The following ANKFN1 variants were observed in gnomAD, a reference collection of about 807,000 sequenced individuals.
ANKFN1 encodes the protein ankyrin repeat and fibronectin type-III domain-containing protein 1.
Under a neutral mutation model 108.7 loss-of-function variants are expected in ANKFN1, and 74 were observed. That is an observed-to-expected ratio of 0.68 (90% confidence interval 0.56 to 0.83). The LOEUF is 0.83. Ranked by LOEUF, ANKFN1 falls within the 40% of genes least tolerant of loss-of-function variation. The probability of loss-of-function intolerance (pLI) is 0.00; values close to 1 mark genes in which losing one functional copy is unlikely to be tolerated. For missense variants in ANKFN1, 1,505 were observed against 1,382.3 expected, an observed-to-expected ratio of 1.09 and a Z score of -1.41; for synonymous variants, 547 against 516.2, an observed-to-expected ratio of 1.06 and a Z score of -0.81.
chr17:56,369,425 TA>T lies in ANKFN1; in HGVS notation c.602-3211del, dbSNP rs143964847. 3.9e-4 allele frequency among the ~76,000 whole-genome samples: 59 copies of T among 149,470 alleles called. No homozygotes were observed. The East Asian group carries it at 4.5e-3, about 11-fold the overall frequency. On this transcript the variant is annotated intron_variant, in intron 6 of 20. Transcript: ENST00000682825. ...TTTATTAAATATGATTTCTCAATTGTAAAAAAAAAATGCCCCCATTCCAGGG... is the reference window on the plus strand; with the variant it reads ...TTTATTAAATATGATTTCTCAATTGTAAAAAAAAATGCCCCCATTCCAGGG...
rs547639161 is a variant in ANKFN1 at position 56,063,652 on chromosome 17, C to A, written c.288+17327C>A. 2.4e-3 allele frequency among the ~76,000 whole-genome samples: 365 copies of A among 151,928 alleles called. 3 individuals carry two copies. The highest frequency in any genetic ancestry group is 2.2e-3 in the Non-Finnish European group (152 of 67,962). On this transcript the variant is annotated intron_variant, in intron 4 of 12. Coordinates refer to the ANKFN1 transcript ENST00000635860. The stretch of plus-strand genomic sequence containing the variant: ...TACTGTAGTTAGCAGTTCCTCTAAC[C>A]TTTTATCAAGGTTCTTAGCTTCTTT...
At chr17:56,350,674 G>A in intron 4 of ANKFN1, 92 bp from the exon 5 acceptor site, 1 of 1,202,880 alleles carries the variant, frequency 8.3e-7, no homozygotes, top group Non-Finnish European at 1.2e-6. Context: ...TATTGTATTT[G>A]GATTCCAGAT....
intron 8 of ANKFN1, among the ~76,000 whole-genome samples, chr17:56,411,189 T>C (rs2048079828): frequency 6.6e-6 from 1 of 152,230 alleles, no homozygotes; most frequent in Non-Finnish European, 1.5e-5. Flanking sequence ...ATCACTGTTT[T>C]ATAGTTTTCA....
At chr17:56,072,353 C>T (rs905981841) in intron 4 of ANKFN1, among the ~76,000 whole-genome samples, 8 of 152,050 alleles carry the variant, frequency 5.3e-5, no homozygotes, top group South Asian at 4.2e-4. Flanking sequence ...CATAGTATAG[C>T]GCAATGGATT....
intron 1 of ANKFN1, among the ~76,000 whole-genome samples, chr17:56,210,702 A>G (rs890081208): frequency 2.0e-5 from 3 of 152,210 alleles, no homozygotes. Context: ...ATTGACTCAG[A>G]GTTCTGCATG....
intron 8 of ANKFN1, among the ~76,000 whole-genome samples, chr17:56,402,444 C>A (rs915415561): frequency 6.6e-6 from 1 of 152,058 alleles, no homozygotes; most frequent in Non-Finnish European, 1.5e-5. Context: ...GGAATTTATT[C>A]ATCTCTTCTA....
chr17:56,393,939 C>T (rs1472651248), intron 8 of ANKFN1, among the ~76,000 whole-genome samples: 1 of 152,186 alleles, frequency 6.6e-6, no homozygotes, highest in Admixed American at 6.5e-5. Context: ...TACCAGTCAA[C>T]AAATACTAAG....
At chr17:56,455,048 C>A (rs1246580284) in intron 11 of ANKFN1, among the ~76,000 whole-genome samples, 3 of 152,050 alleles carry the variant, frequency 2.0e-5, no homozygotes, top group Admixed American at 6.6e-5. Context: ...TCACACTCAC[C>A]CCTCACTTCC....
intron 8 of ANKFN1, among the ~76,000 whole-genome samples, chr17:56,393,031 C>T (rs1322259915): frequency 6.6e-6 from 1 of 152,096 alleles, no homozygotes; most frequent in Non-Finnish European, 1.5e-5. Context: ...TGCCTTAGGT[C>T]ATTTTGTTCC....
intron 1 of ANKFN1, among the ~76,000 whole-genome samples, chr17:56,189,170 C>CTTTTTTTTTTTTTTTTTT (rs532063852): frequency 7.0e-5 from 6 of 85,288 alleles, no homozygotes; most frequent in African/African-American, 3.4e-4. Flanking sequence ...GTTGCCCTGA[C>CTTTTTTTTTTTTTTTTTT]TTTTTTTTTT....
At chr17:56,267,806 A>G (rs2043691734) in intron 3 of ANKFN1, among the ~76,000 whole-genome samples, 1 of 152,168 alleles carries the variant, frequency 6.6e-6, no homozygotes, top group African/African-American at 2.4e-5. Context: ...GGCTTCTAGT[A>G]TAATTCGAAG....
chr17:56,081,250 A>T (rs1343005653), intron 4 of ANKFN1, among the ~76,000 whole-genome samples: 1 of 152,210 alleles, frequency 6.6e-6, no homozygotes, highest in Non-Finnish European at 1.5e-5. Flanking sequence ...GAATGAAAGG[A>T]AGGAAAGTAC....
chr17:56,163,990 T>A (rs763980911), intron 1 of ANKFN1, among the ~76,000 whole-genome samples: 2 of 152,214 alleles, frequency 1.3e-5, no homozygotes, highest in African/African-American at 4.8e-5. Flanking sequence ...GGAATTTGGG[T>A]AAATCTGCAT....
intron 3 of ANKFN1, among the ~76,000 whole-genome samples, chr17:56,253,378 A>G (rs2043281206): frequency 6.6e-6 from 1 of 152,236 alleles, no homozygotes; most frequent in Admixed American, 6.5e-5. Flanking sequence ...GAATTCTGAC[A>G]GGTTGTTTCC....
chr17:56,258,499 A>C (rs896326315), intron 3 of ANKFN1: 1 of 152,224 alleles, frequency 6.6e-6, no homozygotes, highest in Non-Finnish European at 1.5e-5. Context: ...ACCTGTGTGC[A>C]CCTGGAGCCT....
intron 1 of ANKFN1, among the ~76,000 whole-genome samples, chr17:56,172,019 A>G (rs1489048512): frequency 2.0e-5 from 3 of 152,202 alleles, no homozygotes; most frequent in African/African-American, 7.2e-5. Flanking sequence ...TAGCAAAAAA[A>G]CAAAAACAAC....
chr17:56,426,315 A>T (rs1005097630), intron 8 of ANKFN1, among the ~76,000 whole-genome samples: 2 of 152,238 alleles, frequency 1.3e-5, no homozygotes, highest in Non-Finnish European at 2.9e-5. Flanking sequence ...ATTTCCAAAT[A>T]GCAGTCTTGT....
chr17:56,339,246 C>G (rs775841977), intron 4 of ANKFN1, among the ~76,000 whole-genome samples: 10 of 151,854 alleles, frequency 6.6e-5, no homozygotes, highest in Admixed American at 1.3e-4. Context: ...TAAGTTTATG[C>G]TCTCTTTATA....
chr17:56,242,742 C>T (rs971247276), intron 3 of ANKFN1, among the ~76,000 whole-genome samples: 6 of 151,822 alleles, frequency 4.0e-5, no homozygotes, highest in South Asian at 4.1e-4. Context: ...TGACTTGTCT[C>T]GGACTTTAGT....
Sources: gnomAD v4.1 joint callset for allele counts (sites outside exome capture counted in the v4.1 genomes callset) on GRCh38, gnomAD v4.1.1 for gene constraint, MANE v1.5 for transcripts, NCBI Gene and HGNC (gene_info 2026-07-23, HGNC 2026-07-21) for gene names.